CACNA2D3: variants seen among roughly 807,000 people sequenced by gnomAD.
CACNA2D3 encodes the protein voltage-dependent calcium channel subunit alpha-2/delta-3.
CACNA2D3 carries 60 observed loss-of-function variants against 160.6 expected under a neutral mutation model. The observed-to-expected ratio is 0.37, with a 90% CI of 0.30 to 0.46. The LOEUF is 0.46. Ranked by LOEUF, CACNA2D3 falls within the 20% of genes least tolerant of loss-of-function variation. The pLI is 1.00. For synonymous variants in CACNA2D3, 558 were observed against 492.9 expected (o/e 1.13, Z -1.75); for missense variants, 1,205 against 1,365.0 (o/e 0.88, Z 1.85).
intron 16 of CACNA2D3, among the ~76,000 whole-genome samples, chr3:54,843,887 A>G (rs1575507324): frequency 1.3e-5 from 2 of 152,152 alleles, no homozygotes; most frequent in South Asian, 2.1e-4. Context: ...GAGAGGAGGA[A>G]GAAGAACAGC....
intron 27 of CACNA2D3, among the ~76,000 whole-genome samples, chr3:54,907,451 T>C (rs1329193778): frequency 6.6e-6 from 1 of 152,176 alleles, no homozygotes; most frequent in Non-Finnish European, 1.5e-5. Flanking sequence ...GAGTGTCTGA[T>C]TCCTGTTGAG....
chr3:54,637,171 A>G (rs1699393792), intron 10 of CACNA2D3, among the ~76,000 whole-genome samples: 1 of 151,968 alleles, frequency 6.6e-6, no homozygotes, highest in Non-Finnish European at 1.5e-5. Flanking sequence ...TTAAAAGGCC[A>G]TGCTGTAGCA....
At chr3:54,201,008 G>C (rs1453888716) in intron 2 of CACNA2D3, among the ~76,000 whole-genome samples, 2 of 152,206 alleles carry the variant, frequency 1.3e-5, no homozygotes, top group African/African-American at 4.8e-5. Flanking sequence ...GATAGCCACT[G>C]AGCCACACAT....
At chr3:55,044,358 G>A (rs1377519579) in intron 35 of CACNA2D3, among the ~76,000 whole-genome samples, 1 of 152,034 alleles carries the variant, frequency 6.6e-6, no homozygotes, top group Non-Finnish European at 1.5e-5. Flanking sequence ...TACCTTTAGT[G>A]CTATTATAAA....
intron 16 of CACNA2D3, among the ~76,000 whole-genome samples, chr3:54,845,159 A>C (rs1698906488): frequency 1.8e-5 from 1 of 55,234 alleles, no homozygotes; most frequent in Non-Finnish European, 3.3e-5. Context: ...GTGCAAGGTA[A>C]CTCCAGGGAA....
chr3:54,864,273 T>C (rs1699354272), intron 17 of CACNA2D3, among the ~76,000 whole-genome samples: 3 of 151,692 alleles, frequency 2.0e-5, no homozygotes, highest in Non-Finnish European at 1.5e-5. Context: ...TTATTGTAGG[T>C]GTTCTTTTTT....
intron 13 of CACNA2D3, among the ~76,000 whole-genome samples, chr3:54,810,815 G>C (rs570906896): frequency 2.6e-5 from 4 of 152,212 alleles, no homozygotes; most frequent in Non-Finnish European, 4.4e-5. Flanking sequence ...CCATGGGTCT[G>C]TGTGAAACTC....
At chr3:54,428,909 G>A (rs759490299) in intron 4 of CACNA2D3, among the ~76,000 whole-genome samples, 16 of 152,196 alleles carry the variant, frequency 1.1e-4, no homozygotes, top group Non-Finnish European at 1.5e-4. Context: ...TTATTGTGAG[G>A]AAGGAAAAAT....
chr3:54,992,017 C>G (rs1020890690), intron 31 of CACNA2D3, among the ~76,000 whole-genome samples: 1 of 152,236 alleles, frequency 6.6e-6, no homozygotes, highest in Middle Eastern at 3.4e-3. Context: ...ATAGCAGTTA[C>G]CTTTACAGCA....
intron 5 of CACNA2D3, among the ~76,000 whole-genome samples, chr3:54,562,206 G>A (rs952971963): frequency 2.6e-5 from 4 of 152,126 alleles, no homozygotes; most frequent in Admixed American, 6.5e-5. Context: ...GCCATGTGCT[G>A]GTCAAAGGGT....
At chr3:54,773,326 C>G (rs1183839094) in intron 13 of CACNA2D3, among the ~76,000 whole-genome samples, 4 of 152,160 alleles carry the variant, frequency 2.6e-5, no homozygotes, top group Non-Finnish European at 5.9e-5. Flanking sequence ...TGTTCTTGGG[C>G]TTGGAAATGG....
intron 11 of CACNA2D3, among the ~76,000 whole-genome samples, chr3:54,739,979 C>T (rs1051117226): frequency 1.4e-4 from 21 of 152,058 alleles, no homozygotes; most frequent in African/African-American, 5.1e-4. Flanking sequence ...CATTGTGCCT[C>T]CAGCCTGCAG....
chr3:54,927,783 A>G (rs1000688653), intron 27 of CACNA2D3: 5 of 1,045,704 alleles, frequency 4.8e-6, no homozygotes, highest in Non-Finnish European at 6.0e-6. Flanking sequence ...GACATTTTTC[A>G]TATCTGTCCA....
At chr3:55,030,358 T>C (rs1186450976) in intron 35 of CACNA2D3, among the ~76,000 whole-genome samples, 2 of 152,224 alleles carry the variant, frequency 1.3e-5, no homozygotes, top group African/African-American at 4.8e-5. Flanking sequence ...ATATGTCATA[T>C]AATGTTGAGG....
intron 11 of CACNA2D3, among the ~76,000 whole-genome samples, 195 bp from the exon 12 acceptor site, chr3:54,752,404 G>C (rs954353513): frequency 6.6e-6 from 1 of 152,124 alleles, no homozygotes; most frequent in Non-Finnish European, 1.5e-5. Context: ...AGTGCCATAT[G>C]GTTTAAAAGA....
intron 11 of CACNA2D3, among the ~76,000 whole-genome samples, chr3:54,741,597 A>C (rs1228167707): frequency 6.0e-5 from 5 of 82,986 alleles, no homozygotes; most frequent in Non-Finnish European, 1.6e-4. Flanking sequence ...AATAATAAGA[A>C]AAATAAAAAA....
intron 23 of CACNA2D3, among the ~76,000 whole-genome samples, chr3:54,885,990 G>A (rs758147901): frequency 6.6e-6 from 1 of 152,144 alleles, no homozygotes; most frequent in Non-Finnish European, 1.5e-5. Flanking sequence ...CCAAGAGTAG[G>A]GTCACGACGG....
In CACNA2D3 at chr3:54,752,695, G is replaced by T. The variant is rs777377068; in HGVS notation, c.1246+18G>T. Reference sequence around the variant, plus strand: ...CAACAAAGGTGGGTCTTCGCATTGTGCTCGGCTCTGAATAACTTCCACCTA... The same window carrying T: ...CAACAAAGGTGGGTCTTCGCATTGTTCTCGGCTCTGAATAACTTCCACCTA... On this transcript the variant is annotated intron_variant, in intron 12 of 37. Transcript: ENST00000474759. The T allele has an allele frequency of 1.9e-6, 3 of 1,585,780 alleles. No individual in the cohort carries two copies. The highest frequency in any genetic ancestry group is 1.1e-5 in the South Asian group (1 of 88,892).
intron 2 of CACNA2D3, among the ~76,000 whole-genome samples, chr3:54,139,249 T>C (rs1166292163): frequency 6.6e-6 from 1 of 152,210 alleles, no homozygotes; most frequent in African/African-American, 2.4e-5. Flanking sequence ...TGTGCCCCCA[T>C]CCCACCCATA....
Sources: gnomAD v4.1 joint callset for allele counts (sites outside exome capture counted in the v4.1 genomes callset) on GRCh38, gnomAD v4.1.1 for gene constraint, MANE v1.5 for transcripts, NCBI Gene and HGNC (gene_info 2026-07-23, HGNC 2026-07-21) for gene names.